The following TRAF3IP1 variants were observed in gnomAD, a reference collection of about 807,000 sequenced individuals.
TRAF3IP1 encodes the protein TRAF3-interacting protein 1.
TRAF3IP1 carries 53 observed loss-of-function variants against 89.9 expected under a neutral mutation model. The observed-to-expected ratio is 0.59, with a 90% CI of 0.47 to 0.74. The LOEUF is 0.74. TRAF3IP1 is among the 30% of genes least tolerant of loss of function. The pLI is 0.00. For missense variants in TRAF3IP1, 806 were observed against 866.1 expected (o/e 0.93, Z 0.87); for synonymous variants, 311 against 322.1 (o/e 0.97, Z 0.37).
intron 3 of TRAF3IP1, among the ~76,000 whole-genome samples, chr2:238,326,217 C>T (rs906636629): frequency 2.0e-5 from 3 of 152,198 alleles, no homozygotes; most frequent in African/African-American, 7.2e-5. Flanking sequence ...AGTAGAAAGT[C>T]GGGAACCCTG....
At position 238,351,114 on chromosome 2, in the gene TRAF3IP1, G is replaced by A. The variant is rs1439636714; in HGVS notation, c.1451+1706G>A. On this transcript the variant is annotated intron_variant, in intron 12 of 16. Coordinates refer to ENST00000373327, the MANE Select transcript of TRAF3IP1 (RefSeq NM_015650.4). This position sits in a 1 kb window ranked among gnomAD's most constrained non-coding sequence, Gnocchi z 5.2. ...AAGGAGTGGGGCGCTTGGATTTGAG[G>A]TTGGAGCTTGCTGTTAGTGGTAGTG... is the stretch of plus-strand genomic sequence containing the variant. Among the ~76,000 whole-genome samples the A allele has an allele frequency of 1.3e-5, 2 of 152,126 alleles. No individual in the cohort carries two copies. Among genetic ancestry groups the A allele is most frequent in the African/African-American group, 4.8e-5 (2 of 41,404 alleles).
At chr2:238,342,264 C>G (rs1391375522) in intron 8 of TRAF3IP1, among the ~76,000 whole-genome samples, 1 of 152,190 alleles carries the variant, frequency 6.6e-6, no homozygotes, top group Admixed American at 6.5e-5. Flanking sequence ...GCTGGGATTA[C>G]AGGTGTGAGC....
intron 8 of TRAF3IP1, among the ~76,000 whole-genome samples, 186 bp from the exon 9 acceptor site, chr2:238,344,311 C>T (rs549422149): frequency 6.6e-6 from 1 of 152,152 alleles, no homozygotes; most frequent in South Asian, 2.1e-4. Flanking sequence ...CCCAGAGCCG[C>T]CCATGGGGGA....
At chr2:238,385,159 G>T (rs887619923) in intron 15 of TRAF3IP1, among the ~76,000 whole-genome samples, 1 of 152,058 alleles carries the variant, frequency 6.6e-6, no homozygotes, top group Non-Finnish European at 1.5e-5. Flanking sequence ...GGGACTACAG[G>T]TGCCTGCCAC....
intron 15 of TRAF3IP1, among the ~76,000 whole-genome samples, chr2:238,393,468 T>C (rs546215261): frequency 2.6e-5 from 4 of 152,204 alleles, no homozygotes; most frequent in Non-Finnish European, 5.9e-5. Context: ...TTGTTTTTGC[T>C]CATTCTGTGA....
At chr2:238,361,520 C>T (rs550332852) in intron 15 of TRAF3IP1, among the ~76,000 whole-genome samples, 11 of 152,114 alleles carry the variant, frequency 7.2e-5, no homozygotes, top group East Asian at 3.9e-4. Flanking sequence ...TAGGTCTCTG[C>T]GTGGTCTGGA....
intron 15 of TRAF3IP1, among the ~76,000 whole-genome samples, chr2:238,361,793 C>G (rs554317965): frequency 1.3e-5 from 2 of 150,088 alleles, no homozygotes; most frequent in South Asian, 4.2e-4. Context: ...CATGAAAAAC[C>G]TTGTTGTGAT....
chr2:238,353,470 A>G (rs1699266066), intron 14 of TRAF3IP1, among the ~76,000 whole-genome samples: 1 of 152,206 alleles, frequency 6.6e-6, no homozygotes, highest in Admixed American at 6.5e-5. Context: ...TGTCCTGCAG[A>G]TGACATCTCG....
intron 15 of TRAF3IP1, among the ~76,000 whole-genome samples, chr2:238,396,854 G>A (rs1226357652): frequency 1.3e-5 from 2 of 152,118 alleles, no homozygotes; most frequent in South Asian, 2.1e-4. Context: ...CGTCTAAGTC[G>A]ACCTGACCAT....
Position 238,325,381 on chromosome 2 carries a change from T to C in TRAF3IP1, c.192+7T>C, listed in dbSNP as rs966562082. Reference sequence around the variant, plus strand: ...GAAGTCTGATAATGTGAAGGTGGGTTTGAGTCGGGCTTCTCCTATTGACTC... The same window carrying C: ...GAAGTCTGATAATGTGAAGGTGGGTCTGAGTCGGGCTTCTCCTATTGACTC... On this transcript the variant is annotated splice_region_variant and intron_variant, in intron 2 of 16. Transcript: ENST00000373327. 1.2e-6 allele frequency: 2 copies of C among 1,614,150 alleles called. No homozygotes were observed. Among genetic ancestry groups the C allele is most frequent in the Non-Finnish European group, 1.7e-6 (2 of 1,180,036 alleles).
chr2:238,333,385 T>C, intron 6 of TRAF3IP1, among the ~76,000 whole-genome samples: 1 of 152,226 alleles, frequency 6.6e-6, no homozygotes, highest in South Asian at 2.1e-4. Context: ...TCCCAAGCAG[T>C]AGGGGCCACT....
At chr2:238,382,274 G>A (rs1700581616) in intron 15 of TRAF3IP1, among the ~76,000 whole-genome samples, 1 of 152,162 alleles carries the variant, frequency 6.6e-6, no homozygotes. Context: ...CACTCCCTGA[G>A]TGTCAGCTAA....
chr2:238,381,538 G>A (rs1477367991), intron 15 of TRAF3IP1, among the ~76,000 whole-genome samples: 1 of 152,232 alleles, frequency 6.6e-6, no homozygotes, highest in Non-Finnish European at 1.5e-5. Flanking sequence ...GGCCAGTCCT[G>A]TGCCTGCAAG....
At chr2:238,327,798 G>GACT (rs1223598813) in intron 3 of TRAF3IP1, among the ~76,000 whole-genome samples, 31 of 152,074 alleles carry the variant, frequency 2.0e-4, no homozygotes, top group African/African-American at 7.5e-4. Context: ...CTATGAATCT[G>GACT]ACTACTCTAG....
chr2:238,334,112 G>C (rs1311796793), intron 7 of TRAF3IP1, 77 bp downstream of exon 7: 6 of 1,108,692 alleles, frequency 5.4e-6, no homozygotes, highest in Non-Finnish European at 7.8e-6. Context: ...TCAATGTCTA[G>C]TAGGAAAGAA....
intron 5 of TRAF3IP1, among the ~76,000 whole-genome samples, chr2:238,330,895 C>T (rs1221829231): frequency 1.3e-5 from 2 of 152,208 alleles, no homozygotes; most frequent in Non-Finnish European, 1.5e-5. Context: ...TGTGTCATAC[C>T]TGGCTTTCCT....
At chr2:238,370,658 T>C (rs1700072821) in intron 15 of TRAF3IP1, among the ~76,000 whole-genome samples, 1 of 152,208 alleles carries the variant, frequency 6.6e-6, no homozygotes, top group Admixed American at 6.5e-5. Context: ...GAAGATCAGT[T>C]ACTGACTTTC....
intron 7 of TRAF3IP1, 43 bp downstream of exon 7, chr2:238,334,078 G>A (rs762844356): frequency 7.3e-6 from 8 of 1,089,728 alleles, no homozygotes; most frequent in Non-Finnish European, 1.0e-5. Context: ...ATGGATATTA[G>A]TTTTTTTTTT....
rs181756902 is a variant in TRAF3IP1 at position 238,385,115 on chromosome 2, A to G, written c.1690-12344A>G. ...ACTGCAATCTCCGCCTCCCGGGTTC[A>G]TGCCATTCTCCTGCCTCAGCCTCCC... On this transcript the variant is annotated intron_variant, in intron 15 of 16. Coordinates refer to ENST00000373327, the MANE Select transcript of TRAF3IP1 (RefSeq NM_015650.4). 1.1e-3 allele frequency among the ~76,000 whole-genome samples: 174 copies of G among 151,854 alleles called. 1 individual carries two copies. The Middle Eastern group carries it at 0.021, about 18-fold the overall frequency.
Sources: allele counts gnomAD v4.1 joint callset (sites outside exome capture counted in the v4.1 genomes callset), GRCh38; gene constraint gnomAD v4.1.1; non-coding constraint Gnocchi (gnomAD v3.1); transcripts MANE v1.5; gene names NCBI Gene and HGNC (gene_info 2026-07-23, HGNC 2026-07-21).